The following PRMT8 variants were observed in gnomAD, a reference collection of about 807,000 sequenced individuals.
The protein encoded by PRMT8 is protein arginine methyltransferase 8, also known as protein arginine N-methyltransferase 8.
A neutral mutation model predicts 47.1 loss-of-function variants in PRMT8; 7 were observed. That is an observed-to-expected ratio of 0.15 (90% CI 0.08 to 0.28). PRMT8 has a LOEUF of 0.28. PRMT8 is among the 10% of genes least tolerant of loss of function. The pLI, the probability that PRMT8 is intolerant of heterozygous loss-of-function variation, is 1.00. For synonymous variants in PRMT8, 188 were observed against 186.5 expected (o/e 1.01, Z -0.07); for missense variants, 237 against 505.4 (o/e 0.47, Z 5.09).
At chr12:3,512,858 A>G (rs1474746314) in intron 1 of PRMT8, among the ~76,000 whole-genome samples, 1 of 152,212 alleles carries the variant, frequency 6.6e-6, no homozygotes. Context: ...GTTGTTCCAC[A>G]GCTGGGTGGC....
intron 1 of PRMT8, among the ~76,000 whole-genome samples, chr12:3,526,690 C>T (rs1361821462): frequency 6.6e-6 from 1 of 152,042 alleles, no homozygotes; most frequent in Non-Finnish European, 1.5e-5. Flanking sequence ...CCAAACATAA[C>T]AATTGGAATT....
chr12:3,454,217 T>C (rs1352079619), intron 1 of PRMT8, among the ~76,000 whole-genome samples: 5 of 152,126 alleles, frequency 3.3e-5, no homozygotes, highest in Non-Finnish European at 7.3e-5. Flanking sequence ...TGGCTTCTGT[T>C]TTGCCTTCTC....
intron 1 of PRMT8, among the ~76,000 whole-genome samples, chr12:3,402,047 A>T (rs1473074291): frequency 6.6e-6 from 1 of 152,212 alleles, no homozygotes; most frequent in East Asian, 1.9e-4. Context: ...AAAAGAACAA[A>T]GCTGGAGGCA....
chr12:3,443,459 C>T (rs1012127408), intron 1 of PRMT8, among the ~76,000 whole-genome samples: 1 of 152,160 alleles, frequency 6.6e-6, no homozygotes, highest in African/African-American at 2.4e-5. Context: ...TCCTGTCTAA[C>T]TCACATCCAA....
intron 1 of PRMT8, among the ~76,000 whole-genome samples, chr12:3,394,965 T>C (rs1356178977): frequency 6.6e-6 from 1 of 152,130 alleles, no homozygotes. Context: ...GAGGAATTTA[T>C]CCACTTCTTC....
intron 1 of PRMT8, among the ~76,000 whole-genome samples, chr12:3,474,288 A>G (rs1332965028): frequency 6.6e-6 from 1 of 152,176 alleles, no homozygotes; most frequent in Admixed American, 6.5e-5. Context: ...TGAGTAAGTT[A>G]CTTAGCCTCT....
intron 8 of PRMT8, among the ~76,000 whole-genome samples, chr12:3,590,456 A>C (rs573808156): frequency 6.6e-6 from 1 of 152,274 alleles, no homozygotes; most frequent in East Asian, 1.9e-4. Flanking sequence ...ATTGTGGGAC[A>C]GCTCTAATTC....
At chr12:3,567,879 C>T (rs551697656) in intron 4 of PRMT8, among the ~76,000 whole-genome samples, 13 of 152,118 alleles carry the variant, frequency 8.5e-5, no homozygotes, top group East Asian at 5.8e-4. Context: ...TTTGAGACCA[C>T]TCTGGCCAAC....
At position 3,579,825 on chromosome 12, in the gene PRMT8, T is replaced by C. The variant is rs79030040; in HGVS notation, c.828+2839T>C. Reference sequence around the variant, plus strand: ...ATCCATTTCTAACATTGTTTAACGGTGGGGATCGCAGCGGCCAGGGGCACT... The same window carrying C: ...ATCCATTTCTAACATTGTTTAACGGCGGGGATCGCAGCGGCCAGGGGCACT... On this transcript the variant is annotated intron_variant, in intron 7 of 9. Transcript: ENST00000382622. 2.9e-4 allele frequency among the ~76,000 whole-genome samples: 44 copies of C among 152,228 alleles called. No homozygotes were observed. In the East Asian group the frequency reaches 8.3e-3, roughly 29 times the overall value.
At chr12:3,571,595 T>C (rs1866847220) in intron 6 of PRMT8, among the ~76,000 whole-genome samples, 1 of 152,070 alleles carries the variant, frequency 6.6e-6, no homozygotes, top group South Asian at 2.1e-4. Context: ...TTGATTCTCA[T>C]TGCAGTGTTC....
At chr12:3,455,098 G>T (rs1187381882) in intron 1 of PRMT8, among the ~76,000 whole-genome samples, 1 of 152,070 alleles carries the variant, frequency 6.6e-6, no homozygotes, top group Non-Finnish European at 1.5e-5. Context: ...TGGAGTTTGG[G>T]GGCTCCTCCT....
chr12:3,532,468 C>T (rs1024899596), intron 1 of PRMT8, among the ~76,000 whole-genome samples: 12 of 150,094 alleles, frequency 8.0e-5, no homozygotes, highest in Non-Finnish European at 4.4e-5. Flanking sequence ...AAAAATTAGC[C>T]TGGCATGGTG....
chr12:3,419,658 A>G (rs1267825802), intron 1 of PRMT8, among the ~76,000 whole-genome samples: 1 of 151,888 alleles, frequency 6.6e-6, no homozygotes, highest in Non-Finnish European at 1.5e-5. Flanking sequence ...CACAGAGCCT[A>G]CTAATTAGCC....
At chr12:3,555,624 A>G (rs1314493256) in intron 4 of PRMT8, among the ~76,000 whole-genome samples, 1 of 152,090 alleles carries the variant, frequency 6.6e-6, no homozygotes, top group African/African-American at 2.4e-5. Flanking sequence ...TCTATGGAGG[A>G]TGGGTTGGAA....
At chr12:3,524,924 G>A (rs1022205867) in intron 1 of PRMT8, among the ~76,000 whole-genome samples, 9 of 152,180 alleles carry the variant, frequency 5.9e-5, no homozygotes, top group South Asian at 2.1e-4. Context: ...AGGTGAAAGA[G>A]TGAACTATTC....
At chr12:3,434,682 C>T (rs1300833181) in intron 1 of PRMT8, among the ~76,000 whole-genome samples, 1 of 151,548 alleles carries the variant, frequency 6.6e-6, no homozygotes, top group Non-Finnish European at 1.5e-5. Flanking sequence ...GGCAGGTGTT[C>T]CGTGTGTGTT....
chr12:3,439,980 C>T (rs372522241), intron 1 of PRMT8, among the ~76,000 whole-genome samples: 1 of 152,110 alleles, frequency 6.6e-6, no homozygotes, highest in East Asian at 1.9e-4. Context: ...GTTAGGACCT[C>T]GGGCTCCAAT....
In PRMT8 at chr12:3,572,731, G is replaced by A. The variant is rs1866870372; in HGVS notation, c.712+3167G>A. ...CTGCACAGAGGAGAATCTGTAAGTA[G>A]CATCTGGTGGCACTTGTTCTATTTT... On this transcript the variant is annotated intron_variant, in intron 6 of 9. Transcript: ENST00000382622. This position sits in a 1 kb window ranked among gnomAD's most constrained non-coding sequence, Gnocchi z 5.9. 6.6e-6 allele frequency among the ~76,000 whole-genome samples: 1 copy of A among 152,218 alleles called. No individual in the cohort carries two copies. Among genetic ancestry groups the A allele is most frequent in the South Asian group, 2.1e-4 (1 of 4,834 alleles).
intron 1 of PRMT8, among the ~76,000 whole-genome samples, chr12:3,432,786 T>G (rs549637773): frequency 3.3e-5 from 5 of 152,288 alleles, no homozygotes; most frequent in African/African-American, 1.2e-4. Context: ...GGTTTTTGTT[T>G]TGTTTTGTTT....
Sources: allele counts gnomAD v4.1 joint callset (sites outside exome capture counted in the v4.1 genomes callset), GRCh38; gene constraint gnomAD v4.1.1; non-coding constraint Gnocchi (gnomAD v3.1); transcripts MANE v1.5; gene names NCBI Gene and HGNC (gene_info 2026-07-23, HGNC 2026-07-21).